TBC1D22A: variants seen among roughly 807,000 people sequenced by gnomAD.
TBC1D22A encodes putative GTPase activator.
TBC1D22A carries 38 observed loss-of-function variants against 60.2 expected under a neutral mutation model. The observed-to-expected ratio is 0.63, with a 90% CI of 0.49 to 0.83. The LOEUF is 0.83. Among genes scored for constraint, TBC1D22A ranks in the 40% least tolerant of loss-of-function variants. The pLI is 0.00. For missense variants in TBC1D22A, 628 were observed against 701.0 expected, an observed-to-expected ratio of 0.90 and a Z score of 1.18; for synonymous variants, 302 against 281.7, an observed-to-expected ratio of 1.07 and a Z score of -0.72.
At position 47,167,412 on chromosome 22, in the gene TBC1D22A, G is replaced by A. The variant is rs113297001; in HGVS notation, c.1426-6086G>A. On this transcript the variant is annotated intron_variant, in intron 12 of 12. Transcript: ENST00000337137. ...ACTCCAGCGGTTCACCAAGTGGGAA[G>A]GAGTGGCACCCAGCAGCTTCTTTGC... 7.3e-3 allele frequency among the ~76,000 whole-genome samples: 1,105 copies of A among 152,340 alleles called. 16 individuals are homozygous for A. Among genetic ancestry groups the A allele is most frequent in the African/African-American group, 0.025 (1,055 of 41,566 alleles).
intron 10 of TBC1D22A, 136 bp from the exon 11 acceptor site, chr22:47,036,935 G>T: frequency 2.1e-6 from 2 of 950,110 alleles, no homozygotes; most frequent in East Asian, 2.6e-5. Context: ...TTGCTCCTTG[G>T]GGGTTGTTGC....
chr22:47,096,570 C>T (rs572553218), intron 11 of TBC1D22A, among the ~76,000 whole-genome samples: 158 of 152,182 alleles, frequency 1.0e-3, no homozygotes, highest in Non-Finnish European at 1.5e-3. Context: ...GCCTGTAATC[C>T]CAGCACTTTG....
At chr22:46,763,680 A>AT (rs1330159016) in intron 1 of TBC1D22A, 1 of 152,228 alleles carries the variant, frequency 6.6e-6, no homozygotes, top group African/African-American at 2.4e-5. Flanking sequence ...TGTTACGAAG[A>AT]TAAGTCTGAG....
At chr22:46,850,665 A>G (rs750458761) in intron 4 of TBC1D22A, among the ~76,000 whole-genome samples, 6 of 152,224 alleles carry the variant, frequency 3.9e-5, no homozygotes, top group Non-Finnish European at 5.9e-5. Context: ...AAGAGCTGCC[A>G]TGTGACCCAG....
intron 12 of TBC1D22A, among the ~76,000 whole-genome samples, chr22:47,128,746 T>A (rs1385318683): frequency 6.6e-6 from 1 of 152,120 alleles, no homozygotes; most frequent in Middle Eastern, 3.2e-3. Context: ...GCCATGACCG[T>A]GGCTAAGCCA....
intron 3 of TBC1D22A, among the ~76,000 whole-genome samples, chr22:46,795,872 C>A (rs1394694534): frequency 1.3e-5 from 2 of 152,208 alleles, no homozygotes; most frequent in Admixed American, 1.3e-4. Flanking sequence ...ACTCAGTGCA[C>A]AGCTGCTCTT....
At chr22:47,122,452 G>GGACC (rs1210765796) in intron 12 of TBC1D22A, among the ~76,000 whole-genome samples, 1 of 152,166 alleles carries the variant, frequency 6.6e-6, no homozygotes, top group Non-Finnish European at 1.5e-5. Context: ...TGTGCACAGT[G>GGACC]GACCAAATTC....
chr22:46,953,391 A>G (rs1412199928), intron 8 of TBC1D22A, among the ~76,000 whole-genome samples: 1 of 152,170 alleles, frequency 6.6e-6, no homozygotes, highest in Non-Finnish European at 1.5e-5. Context: ...ATTAAAACCA[A>G]GATCTGTATG....
chr22:46,833,756 T>C (rs575362762), intron 4 of TBC1D22A, among the ~76,000 whole-genome samples: 1 of 152,292 alleles, frequency 6.6e-6, no homozygotes, highest in African/African-American at 2.4e-5. Context: ...GTGAAGGTGG[T>C]TCCAGAGCAG....
intron 12 of TBC1D22A, among the ~76,000 whole-genome samples, chr22:47,164,841 G>A (rs2068134911): frequency 2.6e-5 from 4 of 152,344 alleles, no homozygotes; most frequent in Middle Eastern, 3.4e-3. Flanking sequence ...GATACTTCAT[G>A]TTGAATATGG....
chr22:46,955,954 G>T (rs988732506), intron 8 of TBC1D22A, among the ~76,000 whole-genome samples: 4 of 152,190 alleles, frequency 2.6e-5, no homozygotes, highest in Admixed American at 2.0e-4. Flanking sequence ...GATGCCCACC[G>T]ATAGAGGAAG....
Position 46,938,207 on chromosome 22 carries a change from GT to G in TBC1D22A, c.1015+26025del, listed in dbSNP as rs2071772882. On this transcript the variant is annotated intron_variant, in intron 8 of 12. Coordinates refer to ENST00000337137, the MANE Select transcript of TBC1D22A (RefSeq NM_014346.5). ...GGTAAATGCCTTAGACAGGTGTACA[GT>G]TTTTTGTCTTCACTACTTTATCTGT... is the stretch of plus-strand genomic sequence containing the variant. Among the ~76,000 whole-genome samples, 5 of 152,278 alleles carry G rather than the reference GT, an allele frequency of 3.3e-5. No homozygotes were observed. The South Asian group carries it at 1.0e-3, about 32-fold the overall frequency.
rs1483592670 is a variant in TBC1D22A, at chr22:47,174,630, C to T, written c.*1004C>T. ...CATCATGGACCGGTTCCTCCATGGA[C>T]CGGTTCCTCCGTGGACCGGTTCCGC... On this transcript the variant is annotated 3_prime_UTR_variant, in exon 13 of 13. Transcript: ENST00000337137. The T allele has an allele frequency of 1.3e-5, 2 of 151,334 alleles. No individual in the cohort carries two copies. Among genetic ancestry groups the T allele is most frequent in the Non-Finnish European group, 2.9e-5 (2 of 67,832 alleles). 9.4% of individuals were successfully genotyped at this position (151,334 alleles called of 1,614,324 possible).
At chr22:46,810,473 C>T (rs909582209) in intron 4 of TBC1D22A, among the ~76,000 whole-genome samples, 2 of 151,710 alleles carry the variant, frequency 1.3e-5, no homozygotes. Context: ...TTATGGAGAG[C>T]ATGAGAACAG....
Position 46,862,315 on chromosome 22 carries a change from GA to G in TBC1D22A, c.638-16336del, listed in dbSNP as rs535887187. 2.1e-3 allele frequency among the ~76,000 whole-genome samples: 322 copies of G among 150,390 alleles called. 1 individual carries two copies. The highest frequency in any genetic ancestry group is 4.2e-3 in the Non-Finnish European group (285 of 67,350). The stretch of plus-strand genomic sequence containing the variant: ...GGTCCTCTGTAGATCTCGGGTATGT[GA>G]AGTCAACAGTGGCCCAAGGAGGCTG... On this transcript the variant is annotated intron_variant, in intron 4 of 12. Transcript: ENST00000337137.
chr22:46,950,228 C>T (rs1002521942), intron 8 of TBC1D22A, among the ~76,000 whole-genome samples: 4 of 152,054 alleles, frequency 2.6e-5, no homozygotes, highest in Non-Finnish European at 5.9e-5. Context: ...ATCAGAGGAA[C>T]GAGTGAGAGG....
chr22:46,923,039 G>A (rs1293006113), intron 8 of TBC1D22A, among the ~76,000 whole-genome samples: 1 of 152,156 alleles, frequency 6.6e-6, no homozygotes, highest in African/African-American at 2.4e-5. Context: ...TGTCCATTCA[G>A]TGTGCTGTTG....
chr22:46,916,196 AC>A (rs1257653138), intron 8 of TBC1D22A, among the ~76,000 whole-genome samples: 7 of 152,212 alleles, frequency 4.6e-5, no homozygotes, highest in South Asian at 4.1e-4. Context: ...CTGAAGGCAG[AC>A]CAGTCGACTA....
intron 4 of TBC1D22A, among the ~76,000 whole-genome samples, chr22:46,822,742 C>T (rs1188977311): frequency 6.6e-6 from 1 of 152,122 alleles, no homozygotes; most frequent in African/African-American, 2.4e-5. Context: ...GGGAGCAGGA[C>T]CCGCTTAATG....
Sources: gnomAD v4.1 joint callset for allele counts (sites outside exome capture counted in the v4.1 genomes callset) on GRCh38, gnomAD v4.1.1 for gene constraint, MANE v1.5 for transcripts, NCBI Gene and HGNC (gene_info 2026-07-23, HGNC 2026-07-21) for gene names.